Variants in GPLD1 observed in about 807,000 individuals in gnomAD.
GPLD1 encodes the protein glycosylphosphatidylinositol specific phospholipase D1.
In GPLD1, 84 loss-of-function variants were observed where a neutral mutation model predicts 112.6. The ratio of observed to expected loss-of-function variants is 0.75; its 90% CI spans 0.63 to 0.89. GPLD1 has a LOEUF of 0.89. Ranked by LOEUF, GPLD1 falls within the 40% of genes least tolerant of loss-of-function variation. The pLI, the probability that GPLD1 is intolerant of heterozygous loss-of-function variation, is 0.00. For synonymous variants in GPLD1, 386 were observed against 403.8 expected (o/e 0.96, Z 0.53); for missense variants, 1,044 against 1,051.5 (o/e 0.99, Z 0.10).
intron 2 of GPLD1, among the ~76,000 whole-genome samples, chr6:24,483,979 G>T (rs923867583): frequency 3.3e-5 from 5 of 152,080 alleles, no homozygotes; most frequent in Non-Finnish European, 5.9e-5. Context: ...GCAGCAGTGC[G>T]ATCTCCGCTC....
chr6:24,453,699 C>CGTGTGTGTGT (rs59607870), intron 14 of GPLD1, among the ~76,000 whole-genome samples: 4,141 of 150,482 alleles, frequency 0.028, 134 homozygotes, highest in African/African-American at 0.079. Context: ...ACATACATTT[C>CGTGTGTGTGT]GTGTGTGTGT....
At chr6:24,476,305 A>T (rs199817532) in intron 3 of GPLD1, 27 bp from the exon 4 acceptor site, 1 of 1,206,228 alleles carries the variant, frequency 8.3e-7, no homozygotes, top group East Asian at 2.5e-5. Flanking sequence ...AGGGCTCTAG[A>T]TTCTCTCTTA....
chr6:24,432,295 T>C (rs1327554290), intron 24 of GPLD1, among the ~76,000 whole-genome samples: 1 of 131,428 alleles, frequency 7.6e-6, no homozygotes, highest in African/African-American at 2.9e-5. Flanking sequence ...TCTGAAGCCA[T>C]AGAAAAACAG....
rs137864215 is a variant in GPLD1, at chr6:24,454,324, G to A, written c.1149-123C>T. 5,567 of 557,216 alleles carry A rather than the reference G, an allele frequency of 1.0e-2. 56 individuals are homozygous for A. Among genetic ancestry groups the A allele is most frequent in the Non-Finnish European group, 0.014 (4,548 of 327,770 alleles). 34.5% of individuals were successfully genotyped at this position (557,216 alleles called of 1,614,324 possible). A position where few individuals can be genotyped will look rare whatever the true frequency, so the allele number is the denominator to read the frequency against. ...TCTCTCACTGACTTTTCCACCCTGC[G>A]TGACTGTTGTGAATATTCACTTCTC... On this transcript the variant is annotated intron_variant, in intron 13 of 24. Coordinates refer to ENST00000230036, the MANE Select transcript of GPLD1 (RefSeq NM_001503.4).
intron 20 of GPLD1, among the ~76,000 whole-genome samples, chr6:24,442,497 T>G (rs1190076322): frequency 7.4e-6 from 1 of 134,230 alleles, no homozygotes; most frequent in African/African-American, 2.9e-5. Context: ...CAGGCTGGAG[T>G]GCAGTGGCAC....
intron 24 of GPLD1, among the ~76,000 whole-genome samples, chr6:24,430,133 AATT>A (rs1483841555): frequency 6.6e-6 from 1 of 152,064 alleles, no homozygotes; most frequent in Non-Finnish European, 1.5e-5. Context: ...ACCCAGTGTC[AATT>A]AATAGGGAAA....
At chr6:24,447,592 C>T (rs981662965) in intron 17 of GPLD1, among the ~76,000 whole-genome samples, 3 of 152,162 alleles carry the variant, frequency 2.0e-5, no homozygotes, top group East Asian at 3.8e-4. Context: ...ACTGAGATGC[C>T]TCCGGTGCAA....
intron 14 of GPLD1, among the ~76,000 whole-genome samples, chr6:24,452,525 C>T (rs767712374): frequency 6.6e-6 from 1 of 152,102 alleles, no homozygotes; most frequent in Non-Finnish European, 1.5e-5. Context: ...CCTACAATCC[C>T]GGCACTTTGG....
At chr6:24,467,004 TGAA>T in intron 8 of GPLD1, 65 bp from the exon 9 acceptor site, 1 of 1,426,062 alleles carries the variant, frequency 7.0e-7, no homozygotes, top group African/African-American at 1.4e-5. Flanking sequence ...AAGCAAATAA[TGAA>T]GAAAAAGTTC....
chr6:24,451,778 A>C (rs1178489223), intron 14 of GPLD1, among the ~76,000 whole-genome samples: 4 of 152,234 alleles, frequency 2.6e-5, no homozygotes, highest in African/African-American at 9.6e-5. Context: ...TGGCATCTAT[A>C]AGTGCTGCCC....
intron 2 of GPLD1, among the ~76,000 whole-genome samples, chr6:24,480,444 T>C (rs1026776835): frequency 1.3e-5 from 2 of 152,122 alleles, no homozygotes; most frequent in African/African-American, 4.8e-5. Context: ...TGCCTCAGCC[T>C]CCCAATGTGC....
At chr6:24,444,809 G>T (rs56721161) in intron 20 of GPLD1, among the ~76,000 whole-genome samples, 1 of 151,962 alleles carries the variant, frequency 6.6e-6, no homozygotes, top group Non-Finnish European at 1.5e-5. Context: ...TAATCACACC[G>T]CTGCACTCCA....
At chr6:24,441,870 A>G (rs1421353560) in intron 20 of GPLD1, among the ~76,000 whole-genome samples, 1 of 151,946 alleles carries the variant, frequency 6.6e-6, no homozygotes, top group Non-Finnish European at 1.5e-5. Context: ...AGTAAAATAC[A>G]AGTAATAATG....
At chr6:24,436,975 TC>T (rs1459462264) in intron 21 of GPLD1, 137 bp downstream of exon 21, 1 of 785,428 alleles carries the variant, frequency 1.3e-6, no homozygotes, top group African/African-American at 1.7e-5. Flanking sequence ...TGGTCTTGCC[TC>T]ATTCAAGATC....
At chr6:24,465,209 A>AAAAAGAAAAG (rs1183805981) in intron 10 of GPLD1, among the ~76,000 whole-genome samples, 69 of 107,322 alleles carry the variant, frequency 6.4e-4, no homozygotes, top group African/African-American at 2.8e-3. Context: ...AAAAAAAAAA[A>AAAAAGAAAAG]AAAAGAAAAG....
At chr6:24,479,841 G>T in intron 3 of GPLD1, 40 bp downstream of exon 3, 1 of 1,096,368 alleles carries the variant, frequency 9.1e-7, no homozygotes, top group Non-Finnish European at 1.4e-6. Context: ...TATTAACCAA[G>T]TAAAAGTGAC....
chr6:24,451,958 G>C (rs529522615), intron 14 of GPLD1, among the ~76,000 whole-genome samples: 35 of 152,326 alleles, frequency 2.3e-4, no homozygotes, highest in Non-Finnish European at 4.7e-4. Flanking sequence ...CAGTCATTCC[G>C]AGAGGAGCAC....
At chr6:24,442,691 A>T (rs2127325580) in intron 20 of GPLD1, among the ~76,000 whole-genome samples, 1 of 151,308 alleles carries the variant, frequency 6.6e-6, no homozygotes, top group East Asian at 2.0e-4. Context: ...TGATCCACCC[A>T]CCTCAGCCTC....
chr6:24,459,280 G>T (rs1228195056), intron 12 of GPLD1, among the ~76,000 whole-genome samples: 7 of 151,964 alleles, frequency 4.6e-5, no homozygotes, highest in African/African-American at 1.7e-4. Flanking sequence ...TTGAGACAGG[G>T]TGTCACTCTA....
Sources: gnomAD v4.1 joint callset for allele counts (sites outside exome capture counted in the v4.1 genomes callset) on GRCh38, gnomAD v4.1.1 for gene constraint, MANE v1.5 for transcripts, NCBI Gene and HGNC (gene_info 2026-07-23, HGNC 2026-07-21) for gene names.